The following MAP2K5 variants were observed in gnomAD, a reference collection of about 807,000 sequenced individuals.
MAP2K5 encodes the protein dual specificity mitogen-activated protein kinase kinase 5.
Under a neutral mutation model 83.1 loss-of-function variants are expected in MAP2K5, and 49 were observed. That is an observed-to-expected ratio of 0.59 (90% CI 0.47 to 0.75). The LOEUF is 0.75. Ranked by LOEUF, MAP2K5 falls within the 30% of genes least tolerant of loss-of-function variation. The pLI is 0.00. For synonymous variants in MAP2K5, 202 were observed against 191.8 expected, an observed-to-expected ratio of 1.05 and a Z score of -0.44; for missense variants, 457 against 557.5, an observed-to-expected ratio of 0.82 and a Z score of 1.82.
chr15:67,738,115 G>A lies in MAP2K5; in HGVS notation c.1075-10116G>A, dbSNP rs1405981674. ...GACCTGCCTGCCTCAGCCTCCCAGA[G>A]TACTGGGATTACAGGCGTGAGCCAC... On this transcript the variant is annotated intron_variant, in intron 17 of 21. Transcript: ENST00000178640. This position sits in a 1 kb window ranked among gnomAD's most constrained non-coding sequence, Gnocchi z 4.1. Among the ~76,000 whole-genome samples the A allele has an allele frequency of 1.3e-5, 2 of 152,098 alleles. No individual in the cohort carries two copies. The highest frequency in any genetic ancestry group is 2.4e-5 in the African/African-American group (1 of 41,416).
In MAP2K5 at chr15:67,543,088, G is replaced by T. The variant is rs560488045; in HGVS notation, c.-248G>T. ...TTCCGACCTCCGCTAGTTCCTGCGG[G>T]CCTTTGCCCGCTTCCCGGTGCACCC... On this transcript the variant is annotated 5_prime_UTR_variant, in exon 1 of 22. Transcript: ENST00000178640. The surrounding 1 kb of genome is among the most constrained non-coding windows in gnomAD (Gnocchi z 4.3). 3.7e-6 allele frequency: 2 copies of T among 544,852 alleles called. No individual in the cohort carries two copies. Among genetic ancestry groups the T allele is most frequent in the African/African-American group, 1.9e-5 (1 of 52,870 alleles). 33.8% of individuals were successfully genotyped at this position (544,852 alleles called of 1,614,324 possible). A position where few individuals can be genotyped will look rare whatever the true frequency, so the allele number is the denominator to read the frequency against.
At chr15:67,630,822 T>C (rs781207935) in intron 8 of MAP2K5, 66 bp from the exon 9 acceptor site, 7 of 1,149,762 alleles carry the variant, frequency 6.1e-6, no homozygotes, top group African/African-American at 3.0e-5. Flanking sequence ...TTTACATTTA[T>C]GTCCTTAACC....
Position 67,770,585 on chromosome 15 carries a change from C to T in MAP2K5, c.1196+922C>T, listed in dbSNP as rs578042217. 6.6e-6 allele frequency among the ~76,000 whole-genome samples: 1 copy of T among 152,308 alleles called. No individual in the cohort carries two copies. The highest frequency in any genetic ancestry group is 1.9e-4 in the East Asian group (1 of 5,182). ...TCACCAAAGTCCAGAGTCATGTCCA[C>T]TGGTGGAAAATGAATGGGCAGACCC... On this transcript the variant is annotated intron_variant, in intron 20 of 21. Coordinates refer to ENST00000178640, the MANE Select transcript of MAP2K5 (RefSeq NM_145160.3). The surrounding 1 kb of genome is among the most constrained non-coding windows in gnomAD (Gnocchi z 5.0).
At chr15:67,792,133 G>A (rs2090528872) in intron 21 of MAP2K5, among the ~76,000 whole-genome samples, 1 of 152,166 alleles carries the variant, frequency 6.6e-6, no homozygotes, top group Admixed American at 6.5e-5. Flanking sequence ...TTTGCAAAAG[G>A]AGGTTAAGAT....
chr15:67,544,904 C>G (rs1412766904), intron 1 of MAP2K5, among the ~76,000 whole-genome samples: 1 of 152,216 alleles, frequency 6.6e-6, no homozygotes, highest in African/African-American at 2.4e-5. Flanking sequence ...CCATCCTTCT[C>G]TTTGTATCCG....
At chr15:67,787,895 C>A (rs542964491) in intron 21 of MAP2K5, among the ~76,000 whole-genome samples, 4 of 152,208 alleles carry the variant, frequency 2.6e-5, no homozygotes, top group Middle Eastern at 6.8e-3. Context: ...TGCTGGCAGA[C>A]CCTAGGACAA....
In MAP2K5 at chr15:67,736,045, T is replaced by C. The variant is rs1323003866; in HGVS notation, c.1074+8100T>C. The stretch of plus-strand genomic sequence containing the variant: ...TCCGGTACTTTAACAGTACTACCAT[T>C]GTTACTTTCATTTCCCTAACAGCTT... On this transcript the variant is annotated intron_variant, in intron 17 of 21. Transcript: ENST00000178640. The surrounding 1 kb of genome is among the most constrained non-coding windows in gnomAD (Gnocchi z 4.3). Among the ~76,000 whole-genome samples, 1 of 152,212 alleles carries C rather than the reference T, an allele frequency of 6.6e-6. No individual in the cohort carries two copies. Among genetic ancestry groups the C allele is most frequent in the East Asian group, 1.9e-4 (1 of 5,196 alleles).
rs192748639 is a variant in MAP2K5, at chr15:67,736,147, G to T, written c.1074+8202G>T. Among the ~76,000 whole-genome samples, 182 of 152,334 alleles carry T rather than the reference G, an allele frequency of 1.2e-3. No individual in the cohort carries two copies. The highest frequency in any genetic ancestry group is 6.8e-3 in the Middle Eastern group (2 of 294). Reference sequence around the variant, plus strand: ...AGGGAGGGGAGCATGGTAGAGGAGGGAGGTAATGTGTCAGGATGGAGATGG... The same window carrying T: ...AGGGAGGGGAGCATGGTAGAGGAGGTAGGTAATGTGTCAGGATGGAGATGG... On this transcript the variant is annotated intron_variant, in intron 17 of 21. Transcript: ENST00000178640. The surrounding 1 kb of genome is among the most constrained non-coding windows in gnomAD (Gnocchi z 4.3).
At chr15:67,553,429 A>G (rs2084552708) in intron 2 of MAP2K5, among the ~76,000 whole-genome samples, 1 of 152,202 alleles carries the variant, frequency 6.6e-6, no homozygotes, top group Non-Finnish European at 1.5e-5. Context: ...GGCCAGTTTT[A>G]AATGAAAAAC....
At chr15:67,707,812 G>T (rs1234455905) in intron 16 of MAP2K5, among the ~76,000 whole-genome samples, 1 of 152,182 alleles carries the variant, frequency 6.6e-6, no homozygotes, top group East Asian at 1.9e-4. Context: ...ACACTCTAAG[G>T]TATGGATCCC....
At chr15:67,763,277 C>G (rs891672918) in intron 19 of MAP2K5, among the ~76,000 whole-genome samples, 2 of 151,696 alleles carry the variant, frequency 1.3e-5, no homozygotes, top group African/African-American at 2.4e-5. Context: ...CTGATTGTTC[C>G]TTCATGGAGT....
intron 17 of MAP2K5, among the ~76,000 whole-genome samples, chr15:67,740,571 C>A (rs998715326): frequency 6.6e-6 from 1 of 151,736 alleles, no homozygotes; most frequent in Non-Finnish European, 1.5e-5. Flanking sequence ...CCATCTTGAG[C>A]AATAGAGTGA....
rs925634599 is a variant in MAP2K5, at chr15:67,577,616, C to G, written c.253-3138C>G. ...TCTTTTCTTTTGGTTTTGGTCATTT[C>G]TGCTTATTTTATCACTATTTAGAAC... is the stretch of plus-strand genomic sequence containing the variant. On this transcript the variant is annotated intron_variant, in intron 3 of 21. Coordinates refer to ENST00000178640, the MANE Select transcript of MAP2K5 (RefSeq NM_145160.3). This position sits in a 1 kb window ranked among gnomAD's most constrained non-coding sequence, Gnocchi z 4.1. Among the ~76,000 whole-genome samples the G allele has an allele frequency of 6.6e-6, 1 of 151,830 alleles. No homozygotes were observed. Among genetic ancestry groups the G allele is most frequent in the African/African-American group, 2.4e-5 (1 of 41,314 alleles).
In MAP2K5 at chr15:67,786,400, A is replaced by T. The variant is rs931179028; in HGVS notation, c.1242+13648A>T. 1.3e-5 allele frequency among the ~76,000 whole-genome samples: 2 copies of T among 152,108 alleles called. No individual in the cohort carries two copies. The highest frequency in any genetic ancestry group is 2.9e-5 in the Non-Finnish European group (2 of 68,008). ...ATGTAATGAGCATCTTGTTGGAGGG[A>T]ATTATTGTAAACCAGTTAATCAACA... On this transcript the variant is annotated intron_variant, in intron 21 of 21. Transcript: ENST00000178640. This position sits in a 1 kb window ranked among gnomAD's most constrained non-coding sequence, Gnocchi z 4.7.
In MAP2K5 at chr15:67,785,026, A is replaced by G. The variant is rs116364545; in HGVS notation, c.1242+12274A>G. Reference sequence around the variant, plus strand: ...ACGATCTTGGCTCAGTGCAGCCTCAATCTCCCAGGCTCAGGTGATCCTCCT... The same window carrying G: ...ACGATCTTGGCTCAGTGCAGCCTCAGTCTCCCAGGCTCAGGTGATCCTCCT... On this transcript the variant is annotated intron_variant, in intron 21 of 21. Coordinates refer to ENST00000178640, the MANE Select transcript of MAP2K5 (RefSeq NM_145160.3). This position sits in a 1 kb window ranked among gnomAD's most constrained non-coding sequence, Gnocchi z 4.4. 0.02 allele frequency among the ~76,000 whole-genome samples: 3,094 copies of G among 152,162 alleles called. 119 individuals carry two copies. The highest frequency in any genetic ancestry group is 0.071 in the African/African-American group (2,935 of 41,502).
rs1457901081 is a variant in MAP2K5 at position 67,769,990 on chromosome 15, G to T, written c.1196+327G>T. The T allele has an allele frequency of 5.1e-6, 1 of 195,826 alleles. No homozygotes were observed. Among genetic ancestry groups the T allele is most frequent in the Admixed American group, 5.8e-5 (1 of 17,196 alleles). 12.1% of individuals were successfully genotyped at this position (195,826 alleles called of 1,614,324 possible). ...ATTTTATAGCCCCTACTGAACGGACGTACGAAGCTTATTTTTATTAATGTA... is the reference window on the plus strand; with the variant it reads ...ATTTTATAGCCCCTACTGAACGGACTTACGAAGCTTATTTTTATTAATGTA... On this transcript the variant is annotated intron_variant, in intron 20 of 21. Transcript: ENST00000178640. This position sits in a 1 kb window ranked among gnomAD's most constrained non-coding sequence, Gnocchi z 5.2.
intron 8 of MAP2K5, among the ~76,000 whole-genome samples, chr15:67,605,485 CATG>C (rs990130784): frequency 9.9e-5 from 15 of 152,124 alleles, no homozygotes; most frequent in Non-Finnish European, 1.9e-4. Context: ...CTTAATGAAT[CATG>C]ATATCTTATG....
At position 67,764,528 on chromosome 15, in the gene MAP2K5, T is replaced by C. The variant is rs1380768417; in HGVS notation, c.1135-5074T>C. Among the ~76,000 whole-genome samples, 1 of 152,186 alleles carries C rather than the reference T, an allele frequency of 6.6e-6. No individual in the cohort carries two copies. Among genetic ancestry groups the C allele is most frequent in the Non-Finnish European group, 1.5e-5 (1 of 68,042 alleles). ...GGCCACTTCCTCCATCCTGCAGGGC[T>C]GGTTATTAGGGATGTACATCTTATC... is the stretch of plus-strand genomic sequence containing the variant. On this transcript the variant is annotated intron_variant, in intron 19 of 21. Coordinates refer to ENST00000178640, the MANE Select transcript of MAP2K5 (RefSeq NM_145160.3). The surrounding 1 kb of genome is among the most constrained non-coding windows in gnomAD (Gnocchi z 4.9).
At chr15:67,741,433 T>C (rs191412343) in intron 17 of MAP2K5, among the ~76,000 whole-genome samples, 3 of 152,310 alleles carry the variant, frequency 2.0e-5, no homozygotes, top group East Asian at 3.9e-4. Flanking sequence ...AGAATGGTTA[T>C]TGGGGTTCCT....
Sources: gnomAD v4.1 joint callset for allele counts (sites outside exome capture counted in the v4.1 genomes callset) on GRCh38, gnomAD v4.1.1 for gene constraint, Gnocchi (gnomAD v3.1) non-coding constraint, MANE v1.5 for transcripts, NCBI Gene and HGNC (gene_info 2026-07-23, HGNC 2026-07-21) for gene names.